CIROZ: variants seen among roughly 807,000 people sequenced by gnomAD.
CIROZ encodes the protein ciliated left-right organizer protein containing ZP-N domains, also known as ciliated left-right organizer ZP-N domains-containing protein.
the CIROZ span, chr1:10,947,908 C>T: frequency 1.2e-6 from 2 of 1,613,798 alleles, no homozygotes; most frequent in Non-Finnish European, 1.7e-6. Flanking sequence ...TCCTCCTGGC[C>T]CACAGGCCAG....
the CIROZ span, among the ~76,000 whole-genome samples, chr1:10,955,561 G>A: frequency 6.6e-6 from 1 of 152,094 alleles, no homozygotes; most frequent in Non-Finnish European, 1.5e-5. Flanking sequence ...ATAACTCCTA[G>A]GCCAGGCACA....
chr1:10,948,857 A>G, the CIROZ span: 1 of 1,479,552 alleles, frequency 6.8e-7, no homozygotes, highest in Non-Finnish European at 9.0e-7. Context: ...TCACCAAGAG[A>G]GAAGTGGAGA....
At chr1:10,974,389 C>T in the CIROZ span, among the ~76,000 whole-genome samples, 12 of 152,094 alleles carry the variant, frequency 7.9e-5, no homozygotes, top group South Asian at 8.3e-4. The surrounding 1 kb of genome is among the most constrained non-coding windows in gnomAD (Gnocchi z 4.4). Flanking sequence ...GAGGGTGGGA[C>T]GACCAGTGGG....
chr1:10,952,507 G>A, the CIROZ span, among the ~76,000 whole-genome samples: 1 of 151,974 alleles, frequency 6.6e-6, no homozygotes. Flanking sequence ...ATAATTCTCT[G>A]GGCATTTTTT....
At chr1:10,971,842 C>T in the CIROZ span, among the ~76,000 whole-genome samples, 5 of 152,210 alleles carry the variant, frequency 3.3e-5, no homozygotes, top group Admixed American at 3.3e-4. Flanking sequence ...TGCCTGTTGG[C>T]CAGCAACTGC....
chr1:10,955,190 G>T, the CIROZ span: 2 of 1,599,892 alleles, frequency 1.3e-6, no homozygotes, highest in Non-Finnish European at 1.7e-6. Flanking sequence ...AATGACACTG[G>T]AATGGGAAGG....
At chr1:10,981,539 G>T in the CIROZ span, among the ~76,000 whole-genome samples, 2 of 136,708 alleles carry the variant, frequency 1.5e-5, no homozygotes, top group Non-Finnish European at 3.0e-5. Context: ...AGGAAGGCAG[G>T]GAGGGAAGGA....
chr1:10,953,731 T>C, the CIROZ span, among the ~76,000 whole-genome samples: 4 of 152,304 alleles, frequency 2.6e-5, no homozygotes. Context: ...TCACTGAGGT[T>C]GTACGGTTGG....
At chr1:10,957,621 A>G in the CIROZ span, 1 of 1,613,882 alleles carries the variant, frequency 6.2e-7, no homozygotes, top group Non-Finnish European at 8.5e-7. Context: ...CTGACCTCCC[A>G]CCTCTGAAGA....
the CIROZ span, chr1:10,976,327 C>A: frequency 3.6e-5 from 32 of 890,542 alleles, no homozygotes; most frequent in Non-Finnish European, 5.3e-5. Flanking sequence ...TTCATTCACT[C>A]ATTATATTTC....
the CIROZ span, chr1:10,947,884 G>A: frequency 9.3e-6 from 15 of 1,613,052 alleles, no homozygotes; most frequent in Admixed American, 1.8e-4. Context: ...CTGGACGTGT[G>A]TGCAACCCCC....
the CIROZ span, among the ~76,000 whole-genome samples, chr1:10,977,562 GAGGTTACAACC>G: frequency 6.6e-6 from 1 of 152,174 alleles, no homozygotes; most frequent in East Asian, 1.9e-4. Context: ...GAACCAGGCA[GAGGTTACAACC>G]AGTTCAAAGG....
chr1:10,955,477 T>A, the CIROZ span, among the ~76,000 whole-genome samples: 1 of 152,186 alleles, frequency 6.6e-6, no homozygotes, highest in Non-Finnish European at 1.5e-5. Context: ...CAGAAATGTC[T>A]CTACTGAGAC....
chr1:10,948,928 A>C, the CIROZ span: 12 of 1,313,012 alleles, frequency 9.1e-6, no homozygotes, highest in East Asian at 2.4e-5. Flanking sequence ...TCTCAACCCA[A>C]AGATGGGTTC....
chr1:10,958,190 C>A, the CIROZ span, among the ~76,000 whole-genome samples: 30 of 152,284 alleles, frequency 2.0e-4, no homozygotes, highest in Non-Finnish European at 4.1e-4. Context: ...GTCGCCAGCT[C>A]CCATCTCAGG....
chr1:10,969,846 T>C, the CIROZ span: 1 of 1,368,564 alleles, frequency 7.3e-7, no homozygotes, highest in Non-Finnish European at 9.5e-7. Flanking sequence ...GAGGTGGCCT[T>C]TGAGCAGAGA....
chr1:10,975,805 G>C, the CIROZ span, among the ~76,000 whole-genome samples: 1 of 152,026 alleles, frequency 6.6e-6, no homozygotes, highest in Non-Finnish European at 1.5e-5. Context: ...TGGACTTCGC[G>C]TCATCATCTA....
chr1:10,967,742 C>T, the CIROZ span, among the ~76,000 whole-genome samples: 1 of 152,086 alleles, frequency 6.6e-6, no homozygotes, highest in Admixed American at 6.6e-5. Context: ...GAGGCCGAGG[C>T]GAGTGGATCA....
chr1:10,949,779 G>A, the CIROZ span: 2 of 1,577,806 alleles, frequency 1.3e-6, no homozygotes, highest in Non-Finnish European at 1.7e-6. Context: ...GTGGTCCTCA[G>A]TGCAGCAGTT....
Sources: gnomAD v4.1 joint callset for allele counts (sites outside exome capture counted in the v4.1 genomes callset) on GRCh38, gnomAD v4.1.1 for gene constraint, Gnocchi (gnomAD v3.1) non-coding constraint, MANE v1.5 for transcripts, NCBI Gene and HGNC (gene_info 2026-07-23, HGNC 2026-07-21) for gene names.